The following NRIP1 variants were observed in gnomAD, a reference collection of about 807,000 sequenced individuals.
NRIP1 encodes nuclear receptor interacting protein 1.
NRIP1 carries 28 observed loss-of-function variants against 75.0 expected under a neutral mutation model. The ratio of observed to expected loss-of-function variants is 0.37; its 90% confidence interval spans 0.28 to 0.51. The LOEUF (loss-of-function observed/expected upper bound fraction) is 0.51. Among genes scored for constraint, NRIP1 ranks in the 20% least tolerant of loss-of-function variants. The probability of loss-of-function intolerance (pLI) is 0.92; values close to 1 mark genes in which losing one functional copy is unlikely to be tolerated. For missense variants in NRIP1, 1,435 were observed against 1,343.7 expected, an observed-to-expected ratio of 1.07 and a Z score of -1.06; for synonymous variants, 526 against 487.6, an observed-to-expected ratio of 1.08 and a Z score of -1.04.
Position 14,967,742 on chromosome 21 carries a change from G to T in NRIP1, c.451C>A (p.Gln151Lys). ...SSRLQTVALS[Q>K]QIRQSLKEQG... ...TCCTTGAGGCTCTGCCTGATTTGTT[G>T]TGACAGAGCAACAGTCTGCAGCCTA... is the stretch of plus-strand genomic sequence containing the variant. The change falls in exon 4 of 4, where the codon CAA becomes AAA. Residue 151 changes from glutamine (Q) to lysine (K), a missense_variant. Physicochemically the swap from Gln to Lys is moderately conservative, Grantham distance 53. Coordinates refer to ENST00000318948, the MANE Select transcript of NRIP1 (RefSeq NM_003489.4). 1 of 1,614,170 alleles carries T rather than the reference G, an allele frequency of 6.2e-7. No homozygotes were observed. The highest frequency in any genetic ancestry group is 8.5e-7 in the Non-Finnish European group (1 of 1,180,034).
intron 1 of NRIP1, among the ~76,000 whole-genome samples, chr21:15,049,927 C>A (rs1202519550): frequency 6.6e-6 from 1 of 151,936 alleles, no homozygotes; most frequent in African/African-American, 2.4e-5. Flanking sequence ...TTAATATATT[C>A]CTAAAAAACT....
chr21:14,980,488 AAAATAAAAAT>A (rs1252063661), intron 3 of NRIP1, among the ~76,000 whole-genome samples: 2 of 151,870 alleles, frequency 1.3e-5, no homozygotes, highest in Admixed American at 6.6e-5. Context: ...AAAATAAAAT[AAAATAAAAAT>A]AAAATAAATA....
At chr21:15,042,983 G>A (rs2823019) in intron 2 of NRIP1, among the ~76,000 whole-genome samples, 43,797 of 152,108 alleles carry the variant, frequency 0.29, 7,628 homozygotes, top group South Asian at 0.44. Context: ...AATGCAAAGA[G>A]AGAATTTCGC....
intron 2 of NRIP1, among the ~76,000 whole-genome samples, chr21:15,029,223 T>C (rs1389091508): frequency 6.6e-6 from 1 of 152,170 alleles, no homozygotes; most frequent in African/African-American, 2.4e-5. Flanking sequence ...AACATGATAT[T>C]GGGCCACTCT....
intron 3 of NRIP1, among the ~76,000 whole-genome samples, chr21:15,000,213 A>T (rs145327677): frequency 6.6e-6 from 1 of 152,200 alleles, no homozygotes; most frequent in Admixed American, 6.5e-5. Flanking sequence ...GAGTACTTTC[A>T]AAAGAGCAAC....
chr21:15,033,054 T>C (rs1376431415), intron 2 of NRIP1, among the ~76,000 whole-genome samples: 3 of 151,878 alleles, frequency 2.0e-5, no homozygotes, highest in Non-Finnish European at 2.9e-5. Context: ...TGAAACCCTG[T>C]TTCTACTAAA....
At position 14,962,073 on chromosome 21, in the gene NRIP1, T is replaced by G. The variant is rs1784858008; in HGVS notation, c.*2643A>C. 6.7e-6 allele frequency: 1 copy of G among 148,698 alleles called. No homozygotes were observed. The highest frequency in any genetic ancestry group is 2.1e-4 in the South Asian group (1 of 4,772). 9.2% of individuals were successfully genotyped at this position (148,698 alleles called of 1,614,324 possible). On this transcript the variant is annotated 3_prime_UTR_variant, in exon 4 of 4. Coordinates refer to ENST00000318948, the MANE Select transcript of NRIP1 (RefSeq NM_003489.4). ...ATATACTCTCACCAGTTTACTCTTC[T>G]GTAAGATGCAGCAGAGAATAAACAG...
At chr21:15,039,259 T>C (rs1278326139) in intron 2 of NRIP1, among the ~76,000 whole-genome samples, 2 of 152,084 alleles carry the variant, frequency 1.3e-5, no homozygotes, top group African/African-American at 2.4e-5. Flanking sequence ...GGTAGTATTA[T>C]CAAAAATGTG....
intron 3 of NRIP1, among the ~76,000 whole-genome samples, chr21:14,973,611 C>T (rs1242321207): frequency 6.6e-6 from 1 of 151,426 alleles, no homozygotes; most frequent in East Asian, 1.9e-4. Flanking sequence ...GTATAACATT[C>T]AGGATACCAA....
chr21:15,042,764 T>C (rs2088986408), intron 2 of NRIP1, among the ~76,000 whole-genome samples: 1 of 152,216 alleles, frequency 6.6e-6, no homozygotes, highest in African/African-American at 2.4e-5. Context: ...AATAAACCTC[T>C]ATGGTGTATA....
chr21:15,038,575 T>C lies in NRIP1; in HGVS notation c.-458+4920A>G, dbSNP rs2088884333. ...ATTTATACCTATAAGAAAAATTACCTGACCATAATAATAAACCCTATTTTT... is the reference window on the plus strand; with the variant it reads ...ATTTATACCTATAAGAAAAATTACCCGACCATAATAATAAACCCTATTTTT... On this transcript the variant is annotated intron_variant, in intron 2 of 3. Coordinates refer to ENST00000318948, the MANE Select transcript of NRIP1 (RefSeq NM_003489.4). Among the ~76,000 whole-genome samples, 2 of 152,084 alleles carry C rather than the reference T, an allele frequency of 1.3e-5. 1 individual carries two copies. The highest frequency in any genetic ancestry group is 4.8e-5 in the African/African-American group (2 of 41,454).
At chr21:14,983,873 T>C (rs1426078227) in intron 3 of NRIP1, among the ~76,000 whole-genome samples, 1 of 152,216 alleles carries the variant, frequency 6.6e-6, no homozygotes, top group Non-Finnish European at 1.5e-5. Flanking sequence ...TTAAGCCCGC[T>C]GTTGGGACCT....
chr21:15,061,746 C>G (rs1195486682), intron 1 of NRIP1, among the ~76,000 whole-genome samples: 1 of 152,238 alleles, frequency 6.6e-6, no homozygotes, highest in African/African-American at 2.4e-5. Flanking sequence ...ACATTCTTTA[C>G]GTTTTAAAAT....
chr21:15,029,224 G>A (rs1392892167), intron 2 of NRIP1, among the ~76,000 whole-genome samples: 1 of 152,016 alleles, frequency 6.6e-6, no homozygotes, highest in Non-Finnish European at 1.5e-5. Context: ...ACATGATATT[G>A]GGCCACTCTT....
rs762876340 is a variant in NRIP1 at position 14,965,086 on chromosome 21, G to C, written c.3107C>G (p.Pro1036Arg). 14 of 1,613,250 alleles carry C rather than the reference G, an allele frequency of 8.7e-6. No individual in the cohort carries two copies. The highest frequency in any genetic ancestry group is 1.3e-5 in the African/African-American group (1 of 74,810). ...ESGLLNGCSM[P>R]SEKGPIKWVI... ...CCACTTAATGGGTCCTTTCTCACTG[G>C]GCATGGAACACCCATTCAAAAGCCC... The change falls in exon 4 of 4, where the codon CCC becomes CGC. Residue 1036 changes from proline to arginine, a missense_variant. By Grantham distance (103) the Pro-to-Arg change is moderately radical. Transcript: ENST00000318948.
chr21:15,031,324 TAC>T (rs2088684064), intron 2 of NRIP1, among the ~76,000 whole-genome samples: 2 of 147,074 alleles, frequency 1.4e-5, no homozygotes, highest in East Asian at 2.4e-4. Flanking sequence ...TCTATGTGTA[TAC>T]ACTCTGGAAG....
Position 15,031,271 on chromosome 21 carries a change from G to A in NRIP1, c.-458+12224C>T, listed in dbSNP as rs377689904. 3.7e-3 allele frequency among the ~76,000 whole-genome samples: 521 copies of A among 140,876 alleles called. 27 individuals are homozygous for A. The East Asian group carries it at 0.11, about 29-fold the overall frequency. 92.4% of individuals were successfully genotyped at this position (140,876 alleles called of 152,430 possible). ...GGTTCACCACATTCCCTTTCTATGT[G>A]TATACACTCTGGAAGGCGGTTGGAG... On this transcript the variant is annotated intron_variant, in intron 2 of 3. Transcript: ENST00000318948.
intron 2 of NRIP1, among the ~76,000 whole-genome samples, chr21:15,026,596 T>C (rs759515251): frequency 1.2e-4 from 19 of 152,154 alleles, no homozygotes; most frequent in Non-Finnish European, 2.4e-4. Flanking sequence ...ATGCTTATAA[T>C]AGTCATACAT....
chr21:15,057,326 A>G (rs1306587077), intron 1 of NRIP1, among the ~76,000 whole-genome samples: 1 of 152,230 alleles, frequency 6.6e-6, no homozygotes, highest in Non-Finnish European at 1.5e-5. Flanking sequence ...AAGCTATTTC[A>G]ATGAATTATA....
Sources: allele counts gnomAD v4.1 joint callset (sites outside exome capture counted in the v4.1 genomes callset), GRCh38; gene constraint gnomAD v4.1.1; transcripts MANE v1.5; gene names NCBI Gene and HGNC (gene_info 2026-07-23, HGNC 2026-07-21).